Variants in TRAPPC9 observed in about 807,000 individuals in gnomAD.
TRAPPC9 encodes IKK2 binding protein.
In TRAPPC9, 83 loss-of-function variants were observed where a neutral mutation model predicts 124.0. That is an observed-to-expected ratio of 0.67 (90% CI 0.56 to 0.80). The LOEUF (loss-of-function observed/expected upper bound fraction) is 0.80. TRAPPC9 is among the 30% of genes least tolerant of loss of function. The pLI is 0.00. For synonymous variants in TRAPPC9, 638 were observed against 617.5 expected, an observed-to-expected ratio of 1.03 and a Z score of -0.49; for missense variants, 1,302 against 1,508.3, an observed-to-expected ratio of 0.86 and a Z score of 2.27.
At chr8:139,856,463 T>C (rs1386766624) in intron 21 of TRAPPC9, among the ~76,000 whole-genome samples, 1 of 152,120 alleles carries the variant, frequency 6.6e-6, no homozygotes, top group Non-Finnish European at 1.5e-5. Context: ...AGACTTGGCC[T>C]TGGGAAGCGA....
chr8:140,341,975 C>A (rs1312644950), intron 9 of TRAPPC9, among the ~76,000 whole-genome samples: 1 of 152,196 alleles, frequency 6.6e-6, no homozygotes, highest in East Asian at 1.9e-4. Flanking sequence ...CAGATAAACA[C>A]CTGCTTTAGA....
intron 19 of TRAPPC9, among the ~76,000 whole-genome samples, chr8:139,966,287 C>T (rs967774637): frequency 3.3e-5 from 5 of 152,204 alleles, no homozygotes; most frequent in African/African-American, 7.2e-5. Flanking sequence ...TCCCGGCACA[C>T]GGAGTGGTGG....
intron 19 of TRAPPC9, among the ~76,000 whole-genome samples, chr8:139,923,468 C>T (rs1321231400): frequency 1.3e-5 from 2 of 152,240 alleles, no homozygotes; most frequent in South Asian, 2.1e-4. Context: ...CCCGAACTCA[C>T]GTTTCACTCA....
intron 17 of TRAPPC9, among the ~76,000 whole-genome samples, chr8:140,168,051 C>A (rs1449007476): frequency 6.6e-6 from 1 of 152,206 alleles, no homozygotes; most frequent in Non-Finnish European, 1.5e-5. Flanking sequence ...AAAAAAGATG[C>A]CAAGCCATCA....
intron 17 of TRAPPC9, among the ~76,000 whole-genome samples, chr8:140,079,334 T>G (rs548682347): frequency 6.6e-6 from 1 of 152,148 alleles, no homozygotes; most frequent in African/African-American, 2.4e-5. Context: ...GTTCAGACTT[T>G]GAATGGGTGA....
At chr8:140,126,389 C>T (rs963404654) in intron 17 of TRAPPC9, among the ~76,000 whole-genome samples, 2 of 152,108 alleles carry the variant, frequency 1.3e-5, no homozygotes, top group African/African-American at 2.4e-5. Context: ...CAAACAAAGA[C>T]GTTAACGAAT....
At chr8:139,849,051 C>T (rs1327678546) in intron 21 of TRAPPC9, among the ~76,000 whole-genome samples, 1 of 152,244 alleles carries the variant, frequency 6.6e-6, no homozygotes, top group African/African-American at 2.4e-5. Context: ...AAGGTGCCAA[C>T]TGGCCCCCAA....
chr8:140,382,496 C>T (rs1207196944), intron 7 of TRAPPC9, among the ~76,000 whole-genome samples: 5 of 152,210 alleles, frequency 3.3e-5, no homozygotes, highest in Admixed American at 1.3e-4. Context: ...GATTATATCC[C>T]GCGCATGGCT....
At chr8:139,937,526 G>A (rs1289783550) in intron 19 of TRAPPC9, among the ~76,000 whole-genome samples, 3 of 152,186 alleles carry the variant, frequency 2.0e-5, no homozygotes. Flanking sequence ...GCAGGCGGAG[G>A]CTGGAGGGCC....
intron 15 of TRAPPC9, among the ~76,000 whole-genome samples, chr8:140,268,484 T>C (rs1053444045): frequency 6.6e-6 from 1 of 152,248 alleles, no homozygotes; most frequent in Non-Finnish European, 1.5e-5. Context: ...AAAAGAATGA[T>C]AGCTTTCATT....
At chr8:140,222,450 G>A (rs143749618) in intron 16 of TRAPPC9, among the ~76,000 whole-genome samples, 132 of 152,212 alleles carry the variant, frequency 8.7e-4, no homozygotes, top group African/African-American at 3.0e-3. Context: ...TTCGTGGTTC[G>A]CACCAACTCA....
chr8:139,903,797 T>G (rs1040964218), intron 20 of TRAPPC9, among the ~76,000 whole-genome samples: 1 of 152,136 alleles, frequency 6.6e-6, no homozygotes, highest in Admixed American at 6.5e-5. Flanking sequence ...TCCCAGCACT[T>G]TGGGAGGCCG....
chr8:140,377,086 G>A (rs1030397580), intron 7 of TRAPPC9, among the ~76,000 whole-genome samples: 9 of 152,132 alleles, frequency 5.9e-5, no homozygotes, highest in Admixed American at 5.2e-4. Flanking sequence ...CAAAGTCCGC[G>A]CTTGACCCCT....
intron 10 of TRAPPC9, among the ~76,000 whole-genome samples, chr8:140,307,994 AC>A (rs1175018198): frequency 4.6e-5 from 7 of 152,170 alleles, no homozygotes; most frequent in African/African-American, 1.7e-4. Flanking sequence ...TTCCTAACTT[AC>A]AAAGAAAGTA....
intron 6 of TRAPPC9, among the ~76,000 whole-genome samples, chr8:140,398,989 C>G (rs985846613): frequency 3.9e-5 from 6 of 152,244 alleles, no homozygotes; most frequent in African/African-American, 1.4e-4. Context: ...CCCAGCCACT[C>G]CAGCCAAGGC....
chr8:139,934,430 C>T (rs909249300), intron 19 of TRAPPC9, among the ~76,000 whole-genome samples: 1 of 152,216 alleles, frequency 6.6e-6, no homozygotes, highest in African/African-American at 2.4e-5. Context: ...ACAATTTGCA[C>T]AGACAATGGA....
At chr8:140,342,600 C>G (rs1315648041) in intron 9 of TRAPPC9, among the ~76,000 whole-genome samples, 1 of 152,170 alleles carries the variant, frequency 6.6e-6, no homozygotes, top group Non-Finnish European at 1.5e-5. Flanking sequence ...CCTTTACTGA[C>G]AAACTCCCAC....
chr8:139,947,835 T>A (rs865821617), intron 19 of TRAPPC9, among the ~76,000 whole-genome samples: 1 of 141,366 alleles, frequency 7.1e-6, no homozygotes, highest in Non-Finnish European at 1.5e-5. Context: ...ACCACTGAAC[T>A]CCAGTCTGGG....
At chr8:140,195,187 GATC>G (rs1391982897) in intron 17 of TRAPPC9, among the ~76,000 whole-genome samples, 5 of 151,156 alleles carry the variant, frequency 3.3e-5, no homozygotes, top group East Asian at 2.0e-4. Flanking sequence ...CCACCGAACA[GATC>G]ATACCTGTGA....
Sources: allele counts gnomAD v4.1 joint callset (sites outside exome capture counted in the v4.1 genomes callset), GRCh38; gene constraint gnomAD v4.1.1; transcripts MANE v1.5; gene names NCBI Gene and HGNC (gene_info 2026-07-23, HGNC 2026-07-21).